Variants in PRKG1 observed in about 807,000 individuals in gnomAD.
PRKG1 encodes the protein cGMP-dependent protein kinase 1.
PRKG1 carries 35 observed loss-of-function variants against 88.1 expected under a neutral mutation model. The ratio of observed to expected loss-of-function variants is 0.40; its 90% CI spans 0.30 to 0.53. The LOEUF (loss-of-function observed/expected upper bound fraction) is 0.53, where lower values mean the gene tolerates loss of function less well. PRKG1 is among the 20% of genes least tolerant of loss of function. The pLI, the probability that PRKG1 is intolerant of heterozygous loss-of-function variation, is 0.59. For synonymous variants in PRKG1, 303 were observed against 292.5 expected, an observed-to-expected ratio of 1.04 and a Z score of -0.37; for missense variants, 540 against 839.8, an observed-to-expected ratio of 0.64 and a Z score of 4.41.
intron 9 of PRKG1, among the ~76,000 whole-genome samples, chr10:52,169,844 T>C (rs1397700185): frequency 1.3e-5 from 2 of 152,216 alleles, no homozygotes; most frequent in Non-Finnish European, 1.5e-5. Flanking sequence ...GATAGAGATG[T>C]AAGCATGTTA....
chr10:51,007,223 G>T (rs11813662), intron 1 of PRKG1, among the ~76,000 whole-genome samples: 3,584 of 152,092 alleles, frequency 0.024, 77 homozygotes, highest in African/African-American at 0.054. Flanking sequence ...GGGATTACAG[G>T]CATGAGCCAC....
rs1323393486 is a variant in PRKG1 at position 52,140,942 on chromosome 10, A to G, written c.1001+7037A>G. 2.0e-5 allele frequency among the ~76,000 whole-genome samples: 3 copies of G among 152,146 alleles called. No homozygotes were observed. The East Asian group carries it at 5.8e-4, about 29-fold the overall frequency. On this transcript the variant is annotated intron_variant, in intron 8 of 17. Transcript: ENST00000373980. ...GTTGTCACATTGCTTAACTAATAGGATGATACACTTAAAATATTTCACAGC... is the reference window on the plus strand; with the variant it reads ...GTTGTCACATTGCTTAACTAATAGGGTGATACACTTAAAATATTTCACAGC...
chr10:51,209,707 A>G (rs771055754), intron 2 of PRKG1, among the ~76,000 whole-genome samples: 83 of 152,174 alleles, frequency 5.5e-4, no homozygotes, highest in Non-Finnish European at 1.1e-3. Context: ...TGACATTAAT[A>G]AGGCATGAAA....
rs149064857 is a variant in PRKG1 at position 51,228,253 on chromosome 10, T to C, written c.478+74923T>C. 1.7e-4 allele frequency among the ~76,000 whole-genome samples: 26 copies of C among 152,302 alleles called. No homozygotes were observed. In the East Asian group the frequency reaches 4.8e-3, roughly 28 times the overall value. ...TATTGTGTCTGCCCTTTGGAAACTTTACTTTGTAGGAAAGCCTTACTGCTT... is the reference window on the plus strand; with the variant it reads ...TATTGTGTCTGCCCTTTGGAAACTTCACTTTGTAGGAAAGCCTTACTGCTT... On this transcript the variant is annotated intron_variant, in intron 2 of 17. Coordinates refer to ENST00000373980, the MANE Select transcript of PRKG1 (RefSeq NM_006258.4).
chr10:51,242,560 GGTGA>G (rs1839182372), intron 2 of PRKG1, among the ~76,000 whole-genome samples: 1 of 152,112 alleles, frequency 6.6e-6, no homozygotes, highest in Non-Finnish European at 1.5e-5. Context: ...TCCATTTCGA[GGTGA>G]GTAAGATACA....
chr10:51,457,050 T>C (rs1596585), intron 2 of PRKG1, among the ~76,000 whole-genome samples: 31,314 of 152,080 alleles, frequency 0.21, 3,470 homozygotes, highest in Admixed American at 0.32. Flanking sequence ...GAACTGTAAG[T>C]AGATCTACCA....
At chr10:51,891,773 C>T (rs1841728165) in intron 4 of PRKG1, among the ~76,000 whole-genome samples, 2 of 152,166 alleles carry the variant, frequency 1.3e-5, no homozygotes, top group African/African-American at 4.8e-5. Flanking sequence ...AATACACCAG[C>T]AAGCATGACT....
intron 2 of PRKG1, among the ~76,000 whole-genome samples, chr10:51,417,757 G>A (rs1004938025): frequency 1.3e-5 from 2 of 152,192 alleles, no homozygotes; most frequent in South Asian, 4.1e-4. Flanking sequence ...ATTTAATTAA[G>A]TTATATTTGT....
At chr10:51,310,148 A>G (rs544233220) in intron 2 of PRKG1, among the ~76,000 whole-genome samples, 1 of 152,292 alleles carries the variant, frequency 6.6e-6, no homozygotes, top group Admixed American at 6.5e-5. Flanking sequence ...GGTATAATGT[A>G]CATTGTTCAG....
chr10:51,839,371 C>A (rs1255987062), intron 4 of PRKG1, among the ~76,000 whole-genome samples: 2 of 152,116 alleles, frequency 1.3e-5, no homozygotes, highest in East Asian at 3.9e-4. Flanking sequence ...TCTTCTACTT[C>A]CCCCATGCCC....
chr10:51,482,990 T>C (rs562167159), intron 3 of PRKG1, among the ~76,000 whole-genome samples: 9 of 149,354 alleles, frequency 6.0e-5, no homozygotes, highest in Non-Finnish European at 1.0e-4. Context: ...TAAGGTTTCC[T>C]GAATCTTTTC....
Position 51,363,492 on chromosome 10 carries a change from C to A in PRKG1, c.479-104231C>A, listed in dbSNP as rs150041205. Among the ~76,000 whole-genome samples the A allele has an allele frequency of 3.6e-3, 552 of 151,936 alleles. 7 individuals are homozygous for A. Among genetic ancestry groups the A allele is most frequent in the African/African-American group, 0.012 (517 of 41,472 alleles). On this transcript the variant is annotated intron_variant, in intron 2 of 17. Transcript: ENST00000373980. ...GCAAGTATGTGGATGTAAAAAGGAA[C>A]AAGAAGGGGGAAGTGAAATAGGTAA...
At position 52,046,427 on chromosome 10, in the gene PRKG1, T is replaced by C. The variant is rs568357652; in HGVS notation, c.763-8057T>C. 6.6e-5 allele frequency among the ~76,000 whole-genome samples: 10 copies of C among 152,240 alleles called. No individual in the cohort carries two copies. The East Asian group carries it at 1.9e-3, about 29-fold the overall frequency. The stretch of plus-strand genomic sequence containing the variant: ...CACTGCCTGCCTCGGAAAAGCTTTG[T>C]ATTATAGATTATTTGTATACTGTTC... On this transcript the variant is annotated intron_variant, in intron 5 of 17. Transcript: ENST00000373980.
intron 5 of PRKG1, 104 bp from the exon 6 acceptor site, chr10:52,054,380 C>A: frequency 1.3e-6 from 1 of 772,224 alleles, no homozygotes. Context: ...GGATAAAATT[C>A]CATTAGGATG....
At chr10:51,108,558 G>A (rs1379509135) in intron 1 of PRKG1, among the ~76,000 whole-genome samples, 2 of 152,060 alleles carry the variant, frequency 1.3e-5, no homozygotes, top group Non-Finnish European at 2.9e-5. Flanking sequence ...GCACAGAAAA[G>A]GCATTGGACT....
At chr10:52,061,607 A>G (rs747921133) in intron 6 of PRKG1, among the ~76,000 whole-genome samples, 1 of 152,132 alleles carries the variant, frequency 6.6e-6, no homozygotes, top group Non-Finnish European at 1.5e-5. Context: ...TAGGCTATCT[A>G]TGTTGTTAGT....
At chr10:51,850,198 T>G (rs1371050578) in intron 4 of PRKG1, among the ~76,000 whole-genome samples, 1 of 152,228 alleles carries the variant, frequency 6.6e-6, no homozygotes, top group Non-Finnish European at 1.5e-5. Context: ...TTTTTTGAGA[T>G]GAAGTTTTGC....
At chr10:51,505,530 A>C (rs964349993) in intron 3 of PRKG1, among the ~76,000 whole-genome samples, 7 of 152,190 alleles carry the variant, frequency 4.6e-5, no homozygotes, top group Admixed American at 4.6e-4. Flanking sequence ...TGATTGGAAC[A>C]GTTTCAGAAG....
At chr10:51,413,940 T>C (rs1027724524) in intron 2 of PRKG1, among the ~76,000 whole-genome samples, 1 of 152,124 alleles carries the variant, frequency 6.6e-6, no homozygotes, top group African/African-American at 2.4e-5. Flanking sequence ...GCAGAAACAG[T>C]GTGGTAGGGA....
Sources: gnomAD v4.1 joint callset for allele counts (sites outside exome capture counted in the v4.1 genomes callset) on GRCh38, gnomAD v4.1.1 for gene constraint, MANE v1.5 for transcripts, NCBI Gene and HGNC (gene_info 2026-07-23, HGNC 2026-07-21) for gene names.